The following PKD1L1 variants were observed in gnomAD, a reference collection of about 807,000 sequenced individuals.
PKD1L1 encodes the protein polycystin-1-like protein 1.
Under a neutral mutation model 323.4 loss-of-function variants are expected in PKD1L1, and 236 were observed. The ratio of observed to expected loss-of-function variants is 0.73; its 90% CI spans 0.66 to 0.81. PKD1L1 has a LOEUF of 0.81. PKD1L1 is among the 40% of genes least tolerant of loss of function. PKD1L1 has a pLI of 0.00. For missense variants in PKD1L1, 3,320 were observed against 3,508.0 expected, an observed-to-expected ratio of 0.95 and a Z score of 1.35; for synonymous variants, 1,344 against 1,335.0, an observed-to-expected ratio of 1.01 and a Z score of -0.15.
At chr7:47,907,197 G>C (rs1249613607) in intron 9 of PKD1L1, among the ~76,000 whole-genome samples, 1 of 152,162 alleles carries the variant, frequency 6.6e-6, no homozygotes, top group Non-Finnish European at 1.5e-5. Flanking sequence ...TTATAAACAG[G>C]TACAGCCACT....
chr7:47,800,991 G>T, intron 53 of PKD1L1, 112 bp from the exon 54 acceptor site: 1 of 937,550 alleles, frequency 1.1e-6, no homozygotes, highest in Non-Finnish European at 1.6e-6. Context: ...AGTTTTGGGA[G>T]TGTGGATCAA....
In PKD1L1 at chr7:47,833,191, T is replaced by C. The variant is rs374269699; in HGVS notation, c.6236A>G (p.Asn2079Ser). ...CTTAGGGGCTGGACAAGCTGTGCCA[T>C]TGTCACTTGCCGCCTTCCTTTGGGC... is the stretch of plus-strand genomic sequence containing the variant. The part of the protein sequence containing the change: ...GRAQRKAASD[N>S]GTACPAPKLQ... The change falls in exon 41 of 57, where the codon AAT becomes AGT. Residue 2079 changes from asparagine (N) to serine (S), a missense_variant. By Grantham distance (46) the Asn-to-Ser change is conservative. Coordinates refer to ENST00000289672, the MANE Select transcript of PKD1L1 (RefSeq NM_138295.5). The C allele has an allele frequency of 5.6e-6, 9 of 1,613,000 alleles. No homozygotes were observed. The highest frequency in any genetic ancestry group is 4.5e-5 in the East Asian group (2 of 44,868).
intron 15 of PKD1L1, among the ~76,000 whole-genome samples, chr7:47,892,959 G>A (rs1299798210): frequency 6.6e-6 from 1 of 152,166 alleles, no homozygotes; most frequent in East Asian, 1.9e-4. Flanking sequence ...GGCTGGGCCT[G>A]ATGGCTCACG....
intron 54 of PKD1L1, among the ~76,000 whole-genome samples, chr7:47,796,925 G>A (rs1227021453): frequency 4.6e-5 from 7 of 150,868 alleles, no homozygotes; most frequent in African/African-American, 4.9e-5. Flanking sequence ...GCGTGAATCC[G>A]GGAGGCGGAG....
rs749042965 is a variant in PKD1L1 at position 47,890,529 on chromosome 7, C to G, written c.2675+13G>C. 1 of 1,612,820 alleles carries G rather than the reference C, an allele frequency of 6.2e-7. No homozygotes were observed. Among genetic ancestry groups the G allele is most frequent in the African/African-American group, 1.3e-5 (1 of 75,012 alleles). On this transcript the variant is annotated intron_variant, in intron 16 of 56. Transcript: ENST00000289672. ...CCGGTGAGCTGAGCTGTGCTGAATA[C>G]AGGGTCAGGTACCTGAACGCCGAGT... is the stretch of plus-strand genomic sequence containing the variant.
At chr7:47,794,861 G>C (rs116912545) in intron 55 of PKD1L1, among the ~76,000 whole-genome samples, 17,043 of 152,270 alleles carry the variant, frequency 0.11, 1,255 homozygotes, top group Non-Finnish European at 0.14. Context: ...TTTAAAATTT[G>C]ATTGACCTGT....
rs770645596 is a variant in PKD1L1 at position 47,853,104 on chromosome 7, A to G, written c.4960+23T>C. Reference sequence around the variant, plus strand: ...TTTAATCATGTAAACAGAAAGGGAAAATAAGGCGCCCTGTTCACTGACCTT... The same window carrying G: ...TTTAATCATGTAAACAGAAAGGGAAGATAAGGCGCCCTGTTCACTGACCTT... On this transcript the variant is annotated intron_variant, in intron 31 of 56. Transcript: ENST00000289672. 18 of 1,525,912 alleles carry G rather than the reference A, an allele frequency of 1.2e-5. No individual in the cohort carries two copies. In the East Asian group the frequency reaches 3.8e-4, roughly 32 times the overall value. 94.5% of individuals were successfully genotyped at this position (1,525,912 alleles called of 1,614,324 possible).
intron 7 of PKD1L1, among the ~76,000 whole-genome samples, chr7:47,926,481 T>C (rs1787658636): frequency 6.6e-6 from 1 of 152,208 alleles, no homozygotes; most frequent in Non-Finnish European, 1.5e-5. Flanking sequence ...CATGACCACC[T>C]TGGGCACAAG....
At chr7:47,813,423 T>C in intron 48 of PKD1L1, 130 bp from the exon 49 acceptor site, 2 of 995,270 alleles carry the variant, frequency 2.0e-6, no homozygotes, top group South Asian at 1.4e-5. Context: ...TCTCTCCTCA[T>C]AGGATCGTTC....
intron 14 of PKD1L1, 120 bp from the exon 15 acceptor site, chr7:47,894,179 C>G: frequency 4.8e-6 from 4 of 830,782 alleles, no homozygotes; most frequent in Non-Finnish European, 7.2e-6. Flanking sequence ...TCCCTGGCTC[C>G]AACTAAAACA....
chr7:47,836,042 C>T (rs1043677749), intron 37 of PKD1L1, among the ~76,000 whole-genome samples: 1 of 152,136 alleles, frequency 6.6e-6, no homozygotes, highest in African/African-American at 2.4e-5. Flanking sequence ...AAGAAGAGGC[C>T]GACCGTAGGT....
intron 16 of PKD1L1, among the ~76,000 whole-genome samples, chr7:47,889,730 T>C (rs1786767358): frequency 6.6e-6 from 1 of 152,094 alleles, no homozygotes; most frequent in African/African-American, 2.4e-5. Flanking sequence ...CTACCATCCA[T>C]GATGGAAGCA....
chr7:47,886,290 G>A (rs553433874), intron 17 of PKD1L1, among the ~76,000 whole-genome samples: 1 of 151,864 alleles, frequency 6.6e-6, no homozygotes, highest in Non-Finnish European at 1.5e-5. Flanking sequence ...CACAGCGATT[G>A]CACCTGACGT....
At chr7:47,919,615 A>G (rs1289539055) in intron 7 of PKD1L1, among the ~76,000 whole-genome samples, 1 of 152,132 alleles carries the variant, frequency 6.6e-6, no homozygotes, top group East Asian at 1.9e-4. Flanking sequence ...TAGATGCTGG[A>G]ATCCTTAAAA....
At chr7:47,789,801 T>G (rs149384449) in intron 56 of PKD1L1, among the ~76,000 whole-genome samples, 1 of 152,326 alleles carries the variant, frequency 6.6e-6, no homozygotes, top group East Asian at 1.9e-4. Context: ...TCTTCTAAAA[T>G]TTTCAATTAA....
At chr7:47,929,599 G>A in intron 6 of PKD1L1, 73 bp from the exon 7 acceptor site, 3 of 1,393,184 alleles carry the variant, frequency 2.2e-6, no homozygotes, top group Non-Finnish European at 2.9e-6. Context: ...AAGCCAAGCA[G>A]CCTGGCCTGG....
intron 6 of PKD1L1, among the ~76,000 whole-genome samples, chr7:47,930,666 T>C (rs1269514709): frequency 2.6e-5 from 4 of 151,778 alleles, no homozygotes; most frequent in Non-Finnish European, 5.9e-5. Flanking sequence ...AATACAAAAA[T>C]TATCCCAGTG....
chr7:47,781,247 C>G (rs1306684073), intron 56 of PKD1L1, among the ~76,000 whole-genome samples: 1 of 152,118 alleles, frequency 6.6e-6, no homozygotes, highest in African/African-American at 2.4e-5. Context: ...AGATTATTTA[C>G]ATTTTTACTG....
chr7:47,853,812 AG>A lies in PKD1L1; in HGVS notation c.4860-586del, dbSNP rs570803630. On this transcript the variant is annotated intron_variant, in intron 30 of 56. Coordinates refer to ENST00000289672, the MANE Select transcript of PKD1L1 (RefSeq NM_138295.5). Reference sequence around the variant, plus strand: ...CCAAAAACCAAACAAACACTTCAGTAGCAAACAAGTACAAGAATGGCCAGCA... The same window carrying A: ...CCAAAAACCAAACAAACACTTCAGTACAAACAAGTACAAGAATGGCCAGCA... 7.9e-5 allele frequency among the ~76,000 whole-genome samples: 12 copies of A among 151,902 alleles called. No individual in the cohort carries two copies. The East Asian group carries it at 2.3e-3, about 29-fold the overall frequency.
Sources: gnomAD v4.1 joint callset for allele counts (sites outside exome capture counted in the v4.1 genomes callset) on GRCh38, gnomAD v4.1.1 for gene constraint, MANE v1.5 for transcripts, NCBI Gene and HGNC (gene_info 2026-07-23, HGNC 2026-07-21) for gene names.